The following NPFFR2 variants were observed in gnomAD, a reference collection of about 807,000 sequenced individuals.
NPFFR2 encodes neuropeptide FF receptor 2, also known as G-protein coupled receptor 74.
A neutral mutation model predicts 13.1 loss-of-function variants in NPFFR2; 15 were observed. The ratio of observed to expected loss-of-function variants is 1.15; its 90% CI spans 0.77 to 1.76. The LOEUF (loss-of-function observed/expected upper bound fraction) is 1.76. NPFFR2 is among the 40% of genes most tolerant of loss of function. The pLI, the probability that NPFFR2 is intolerant of heterozygous loss-of-function variation, is 0.00. For synonymous variants in NPFFR2, 190 were observed against 175.7 expected (o/e 1.08, Z -0.65); for missense variants, 572 against 503.5 (o/e 1.14, Z -1.30).
intron 1 of NPFFR2, among the ~76,000 whole-genome samples, chr4:72,106,085 G>A (rs1156286682): frequency 1.3e-5 from 2 of 152,054 alleles, no homozygotes; most frequent in African/African-American, 4.8e-5. Context: ...CTTGTAAGAT[G>A]GAGGGGTCAG....
chr4:72,146,800 T>G (rs1722793592), intron 3 of NPFFR2, among the ~76,000 whole-genome samples, 178 bp from the exon 4 acceptor site: 1 of 152,160 alleles, frequency 6.6e-6, no homozygotes, highest in African/African-American at 2.4e-5. Context: ...GAATTAAAAT[T>G]TATCTCATAT....
intron 1 of NPFFR2, among the ~76,000 whole-genome samples, chr4:72,055,613 ATAAT>A (rs750026764): frequency 2.2e-4 from 33 of 152,144 alleles, no homozygotes; most frequent in Admixed American, 6.6e-4. Context: ...AAAGCTAGAA[ATAAT>A]TAAGCTTAGT....
intron 1 of NPFFR2, among the ~76,000 whole-genome samples, chr4:72,107,619 T>A (rs1721452515): frequency 6.6e-6 from 1 of 151,978 alleles, no homozygotes; most frequent in African/African-American, 2.4e-5. Flanking sequence ...AGTTTATGTT[T>A]CATAAGGTAC....
At chr4:72,088,554 AT>A (rs1484863176) in intron 1 of NPFFR2, among the ~76,000 whole-genome samples, 1 of 152,018 alleles carries the variant, frequency 6.6e-6, no homozygotes, top group Non-Finnish European at 1.5e-5. Context: ...TATTTCTTTT[AT>A]TTTTTAATTT....
intron 1 of NPFFR2, among the ~76,000 whole-genome samples, chr4:72,080,030 A>C (rs1329121067): frequency 3.9e-5 from 6 of 152,144 alleles, no homozygotes; most frequent in South Asian, 2.1e-4. Flanking sequence ...TTGATATATA[A>C]ATAATTCTCT....
chr4:72,078,186 A>G (rs914654596), intron 1 of NPFFR2, among the ~76,000 whole-genome samples: 1 of 152,128 alleles, frequency 6.6e-6, no homozygotes, highest in African/African-American at 2.4e-5. Context: ...CTATTGTTCC[A>G]GCAGTATTTG....
chr4:72,103,683 T>G (rs1306463872), intron 1 of NPFFR2, among the ~76,000 whole-genome samples: 1 of 152,074 alleles, frequency 6.6e-6, no homozygotes, highest in East Asian at 1.9e-4. Flanking sequence ...CTTTCCTTTA[T>G]GGAAATAAAA....
At chr4:72,085,782 A>AT (rs1053437527) in intron 1 of NPFFR2, among the ~76,000 whole-genome samples, 9 of 152,124 alleles carry the variant, frequency 5.9e-5, no homozygotes, top group African/African-American at 1.9e-4. Context: ...TCAGCACATG[A>AT]TTTTTTTACA....
chr4:72,127,143 A>C (rs1413487371), intron 1 of NPFFR2, among the ~76,000 whole-genome samples: 2 of 150,784 alleles, frequency 1.3e-5, no homozygotes, highest in African/African-American at 4.9e-5. Context: ...TCTACTAAAA[A>C]TACAAAAAAA....
chr4:72,075,202 G>T (rs898198621), intron 1 of NPFFR2, among the ~76,000 whole-genome samples: 1 of 152,082 alleles, frequency 6.6e-6, no homozygotes, highest in African/African-American at 2.4e-5. Flanking sequence ...GACTGGCCTG[G>T]CCTACATCTT....
At chr4:72,094,729 A>G (rs1233847523) in intron 1 of NPFFR2, among the ~76,000 whole-genome samples, 1 of 152,146 alleles carries the variant, frequency 6.6e-6, no homozygotes, top group Non-Finnish European at 1.5e-5. Context: ...AACTTACCCC[A>G]GGTTACAAGC....
At chr4:72,093,673 T>C (rs1720971939) in intron 1 of NPFFR2, among the ~76,000 whole-genome samples, 2 of 151,210 alleles carry the variant, frequency 1.3e-5, no homozygotes, top group Admixed American at 6.6e-5. Context: ...GTACTTGATT[T>C]CCAGATGTTG....
chr4:72,064,482 A>G (rs1578431519), intron 1 of NPFFR2, among the ~76,000 whole-genome samples: 2 of 152,218 alleles, frequency 1.3e-5, no homozygotes, highest in African/African-American at 2.4e-5. Context: ...ATGGATGTCA[A>G]TCTTTTGTTA....
At chr4:72,047,361 G>A (rs1287194704) in intron 1 of NPFFR2, among the ~76,000 whole-genome samples, 1 of 152,106 alleles carries the variant, frequency 6.6e-6, no homozygotes, top group East Asian at 1.9e-4. Context: ...CTGTAGGAGG[G>A]CAGAATGGTT....
intron 1 of NPFFR2, among the ~76,000 whole-genome samples, chr4:72,055,630 G>A (rs1430413683): frequency 6.6e-6 from 1 of 151,952 alleles, no homozygotes; most frequent in Non-Finnish European, 1.5e-5. Flanking sequence ...AGCTTAGTGA[G>A]GAAGGCATGT....
intron 1 of NPFFR2, among the ~76,000 whole-genome samples, chr4:72,078,843 A>G (rs1720516923): frequency 6.6e-6 from 1 of 152,176 alleles, no homozygotes; most frequent in South Asian, 2.1e-4. Context: ...CAAATTTTCC[A>G]TAATATATTA....
At chr4:72,063,750 G>C (rs1447577322) in intron 1 of NPFFR2, among the ~76,000 whole-genome samples, 2 of 152,114 alleles carry the variant, frequency 1.3e-5, no homozygotes, top group African/African-American at 4.8e-5. Flanking sequence ...ATCAAAAGAG[G>C]GGCTTCAAGA....
rs113242086 is a variant in NPFFR2, at chr4:72,120,458, T to C, written c.-7-8127T>C. Among the ~76,000 whole-genome samples, 786 of 152,324 alleles carry C rather than the reference T, an allele frequency of 5.2e-3. 3 individuals are homozygous for C. The highest frequency in any genetic ancestry group is 0.018 in the African/African-American group (749 of 41,584). On this transcript the variant is annotated intron_variant, in intron 1 of 3. Coordinates refer to ENST00000308744, the MANE Select transcript of NPFFR2 (RefSeq NM_004885.3). ...GTCCCTGACCCCTGAGTCCCCTGAC[T>C]GGGAGACACCTCCCAGCAAGGGTTG...
intron 3 of NPFFR2, among the ~76,000 whole-genome samples, chr4:72,138,639 A>G (rs1266388940): frequency 6.6e-6 from 1 of 151,876 alleles, no homozygotes; most frequent in Non-Finnish European, 1.5e-5. Flanking sequence ...ATGTGCCACA[A>G]TTTTCTTAAT....
Sources: gnomAD v4.1 joint callset for allele counts (sites outside exome capture counted in the v4.1 genomes callset) on GRCh38, gnomAD v4.1.1 for gene constraint, MANE v1.5 for transcripts, NCBI Gene and HGNC (gene_info 2026-07-23, HGNC 2026-07-21) for gene names.